MRO: variants seen among roughly 807,000 people sequenced by gnomAD.
MRO encodes the protein protein maestro.
In MRO, 28 loss-of-function variants were observed where a neutral mutation model predicts 31.0. The ratio of observed to expected loss-of-function variants is 0.90; its 90% confidence interval spans 0.67 to 1.24. The LOEUF (loss-of-function observed/expected upper bound fraction) is 1.24, where lower values mean the gene tolerates loss of function less well. MRO is among the 50% of genes most tolerant of loss of function. MRO has a pLI of 0.00. For synonymous variants in MRO, 108 were observed against 108.4 expected, an observed-to-expected ratio of 1.00 and a Z score of 0.02; for missense variants, 332 against 289.2, an observed-to-expected ratio of 1.15 and a Z score of -1.07.
At chr18:50,819,187 T>C (rs1915171983) in intron 2 of MRO, among the ~76,000 whole-genome samples, 1 of 152,226 alleles carries the variant, frequency 6.6e-6, no homozygotes, top group South Asian at 2.1e-4. Context: ...CTCTGAAAGA[T>C]ATCCTTTCAG....
chr18:50,796,416 G>A lies in MRO; in HGVS notation c.*2921C>T, dbSNP rs1452091229. 1 of 150,060 alleles carries A rather than the reference G, an allele frequency of 6.7e-6. No homozygotes were observed. The highest frequency in any genetic ancestry group is 1.5e-5 in the Non-Finnish European group (1 of 67,574). The allele number at this position is 150,060 out of a possible 1,614,324, so 9.3% of individuals were successfully genotyped here. On this transcript the variant is annotated 3_prime_UTR_variant, in exon 8 of 8. Transcript: ENST00000398439. Reference sequence around the variant, plus strand: ...AACAGGATAAAAAAAAAAACATAAAGCCATATACAAAAAAAAACTTTTCAG... The same window carrying A: ...AACAGGATAAAAAAAAAAACATAAAACCATATACAAAAAAAAACTTTTCAG...
chr18:50,811,584 A>G (rs1219362158), intron 2 of MRO, among the ~76,000 whole-genome samples: 2 of 151,986 alleles, frequency 1.3e-5, no homozygotes, highest in Admixed American at 1.3e-4. Context: ...TTATACCACA[A>G]TTTGTTTATC....
chr18:50,813,301 TA>T (rs1914620236), intron 2 of MRO, among the ~76,000 whole-genome samples: 1 of 152,148 alleles, frequency 6.6e-6, no homozygotes, highest in African/African-American at 2.4e-5. Flanking sequence ...GGCACCAAAA[TA>T]AAACCCCAGA....
chr18:50,803,200 G>C (rs1268073560), intron 5 of MRO, among the ~76,000 whole-genome samples: 1 of 152,048 alleles, frequency 6.6e-6, no homozygotes, highest in Non-Finnish European at 1.5e-5. Context: ...AAAAATTCCA[G>C]GCAACCAGGG....
rs1274880175 is a variant in MRO at position 50,809,354 on chromosome 18, G to C, written c.47C>G (p.Pro16Arg). ...RRILGQPLSIPTSQPKQKRTS... is the reference protein window; with the variant it reads ...RRILGQPLSIRTSQPKQKRTS... ...CCTTTTCTGCTTGGGCTGGGAAGTA[G>C]GGATGGAAAGGGGCTGGCCCAGGAT... Residue 16 changes from proline (P) to arginine (R), a missense_variant, in exon 3 of 8, where the codon CCT becomes CGT. Physicochemically the swap from Pro to Arg is moderately radical, Grantham distance 103. Transcript: ENST00000398439. The C allele has an allele frequency of 6.2e-7, 1 of 1,613,808 alleles. No homozygotes were observed. The highest frequency in any genetic ancestry group is 8.5e-7 in the Non-Finnish European group (1 of 1,179,882).
intron 3 of MRO, among the ~76,000 whole-genome samples, chr18:50,807,357 A>G (rs1914045442): frequency 6.6e-6 from 1 of 152,154 alleles, no homozygotes; most frequent in African/African-American, 2.4e-5. Context: ...CTCTGCAATC[A>G]GGCTAATGTC....
chr18:50,812,635 T>C (rs1306062079), intron 2 of MRO, among the ~76,000 whole-genome samples: 1 of 152,266 alleles, frequency 6.6e-6, no homozygotes, highest in Non-Finnish European at 1.5e-5. Flanking sequence ...AAGCGTTTTA[T>C]AGTTTTCACA....
Position 50,805,287 on chromosome 18 carries a change from T to A in MRO, c.296A>T (p.Tyr99Phe). The change falls in exon 5 of 8, where the codon TAT (tyrosine) becomes TTT (phenylalanine). Residue 99 changes from tyrosine to phenylalanine, a missense_variant. Coordinates refer to ENST00000398439, the MANE Select transcript of MRO (RefSeq NM_031939.6). ...IVLDLLVYGL[Y>F]DPVNLEVIHE... ...GATGACTTCCAAATTCACAGGGTCA[T>A]ACAGTCCATACACCAGCAGGTCGAG... is the stretch of plus-strand genomic sequence containing the variant. The A allele has an allele frequency of 1.2e-6, 2 of 1,614,164 alleles. No individual in the cohort carries two copies. The highest frequency in any genetic ancestry group is 2.7e-5 in the African/African-American group (2 of 75,038).
At chr18:50,815,100 G>T in intron 2 of MRO, 1 of 217,114 alleles carries the variant, frequency 4.6e-6, no homozygotes, top group Non-Finnish European at 9.4e-6. Context: ...TGGAAGCCAG[G>T]CAGAGTGGAA....
chr18:50,822,504 A>G (rs1004342433), upstream of MRO, among the ~76,000 whole-genome samples: 5 of 151,914 alleles, frequency 3.3e-5, no homozygotes, highest in Non-Finnish European at 7.4e-5. Flanking sequence ...CACCCGGCTA[A>G]TTTTTGTATT....
At chr18:50,809,479 G>T in intron 2 of MRO, 75 bp from the exon 3 acceptor site, 1 of 1,010,004 alleles carries the variant, frequency 9.9e-7, no homozygotes, top group Non-Finnish European at 1.5e-6. Flanking sequence ...ACAATGCATT[G>T]TGCTGGGGTA....
At chr18:50,801,850 A>C (rs1180726633) in intron 5 of MRO, among the ~76,000 whole-genome samples, 3 of 152,186 alleles carry the variant, frequency 2.0e-5, no homozygotes, top group Non-Finnish European at 4.4e-5. Flanking sequence ...TAAACTTCCC[A>C]AAATTCAAAA....
At chr18:50,822,645 A>G (rs1027592902), upstream of MRO, among the ~76,000 whole-genome samples, 1 of 152,050 alleles carries the variant, frequency 6.6e-6, no homozygotes, top group Admixed American at 6.6e-5. Context: ...TTAAAGAGAG[A>G]GATTTAAGTT....
Position 50,818,001 on chromosome 18 carries a change from GCC to G in MRO, c.-5+1578_-5+1579del, listed in dbSNP as rs200984736. On this transcript the variant is annotated intron_variant, in intron 2 of 7. Coordinates refer to ENST00000398439, the MANE Select transcript of MRO (RefSeq NM_031939.6). ...GCTTCTTAAAGAACTCCCACCCCCCGCCCCATGCCCTCCTTCCTGCCTGCAGT... is the reference window on the plus strand; with the variant it reads ...GCTTCTTAAAGAACTCCCACCCCCCGCCATGCCCTCCTTCCTGCCTGCAGT... Among the ~76,000 whole-genome samples, 25 of 127,636 alleles carry G rather than the reference GCC, an allele frequency of 2.0e-4. 1 individual carries two copies. Among genetic ancestry groups the G allele is most frequent in the African/African-American group, 6.3e-4 (21 of 33,294 alleles). 83.7% of individuals were successfully genotyped at this position (127,636 alleles called of 152,430 possible).
chr18:50,819,865 T>C (rs1268977005), intron 1 of MRO, 32 bp downstream of exon 1: 1 of 1,547,692 alleles, frequency 6.5e-7, no homozygotes, highest in Non-Finnish European at 8.7e-7. Context: ...CCGACAAGAA[T>C]ATTGTAGGGT....
chr18:50,801,205 C>T (rs143671564), intron 6 of MRO, 144 bp downstream of exon 6: 13 of 689,308 alleles, frequency 1.9e-5, no homozygotes, highest in Non-Finnish European at 2.6e-5. Flanking sequence ...CAAAGAGGCA[C>T]CTTGTCAAGG....
rs751421969 is a variant in MRO, at chr18:50,801,421, G to A, written c.513C>T (p.Phe171=). The change falls in exon 6 of 8, where the codon TTC becomes TTT. Residue 171 remains phenylalanine (F), a synonymous_variant. Transcript: ENST00000398439. ...CTCGTGTCTGCTTAACCTGACTGGT[G>A]AAAAATTTTTTCCATTTCCTCCCGG... ...AFAGRKWKKF[F]TSQVKQTRDS... 9.9e-6 allele frequency: 16 copies of A among 1,612,032 alleles called. No individual in the cohort carries two copies. Among genetic ancestry groups the A allele is most frequent in the South Asian group, 6.6e-5 (6 of 90,808 alleles).
chr18:50,795,257 G>A lies in MRO; in HGVS notation c.*4080C>T, dbSNP rs190407013. On this transcript the variant is annotated 3_prime_UTR_variant, in exon 8 of 8. Coordinates refer to ENST00000398439, the MANE Select transcript of MRO (RefSeq NM_031939.6). ...ATACTATTGAGAGTAAACAATGACC[G>A]TCCCAGGCTTTCCAAAGCATATATA... 1.3e-5 allele frequency: 2 copies of A among 152,226 alleles called. No individual in the cohort carries two copies. Among genetic ancestry groups the A allele is most frequent in the East Asian group, 1.9e-4 (1 of 5,182 alleles). The allele number at this position is 152,226 out of a possible 1,614,324, so 9.4% of individuals were successfully genotyped here.
At chr18:50,806,909 A>G (rs1025933554) in intron 3 of MRO, 59 bp from the exon 4 acceptor site, 11 of 1,518,822 alleles carry the variant, frequency 7.2e-6, no homozygotes, top group Non-Finnish European at 9.0e-6. Context: ...ACCAATCCCA[A>G]CCCCAATCTC....
Sources: gnomAD v4.1 joint callset for allele counts (sites outside exome capture counted in the v4.1 genomes callset) on GRCh38, gnomAD v4.1.1 for gene constraint, MANE v1.5 for transcripts, NCBI Gene and HGNC (gene_info 2026-07-23, HGNC 2026-07-21) for gene names.